AGMO: variants seen among roughly 807,000 people sequenced by gnomAD.
AGMO encodes alkylglycerol monooxygenase, also known as glyceryl-ether monooxygenase.
A neutral mutation model predicts 60.2 loss-of-function variants in AGMO; 75 were observed. That is an observed-to-expected ratio of 1.25 (90% CI 1.03 to 1.51). AGMO has a LOEUF of 1.51. Ranked by LOEUF, AGMO falls within the 40% of genes most tolerant of loss-of-function variation. The pLI is 0.00. For missense variants in AGMO, 763 were observed against 525.5 expected (o/e 1.45, Z -4.42); for synonymous variants, 261 against 177.1 (o/e 1.47, Z -3.76).
chr7:15,374,486 CA>C (rs1783365505), intron 10 of AGMO, among the ~76,000 whole-genome samples: 1 of 151,668 alleles, frequency 6.6e-6, no homozygotes, highest in African/African-American at 2.4e-5. Flanking sequence ...TTATAAATAC[CA>C]AAATATTAGA....
At chr7:15,476,329 A>C (rs1467539947) in intron 3 of AGMO, among the ~76,000 whole-genome samples, 3 of 152,112 alleles carry the variant, frequency 2.0e-5, no homozygotes, top group Non-Finnish European at 4.4e-5. Flanking sequence ...ATCATTCTTG[A>C]CATTTTACTG....
chr7:15,332,362 A>T (rs1356272200), intron 12 of AGMO, among the ~76,000 whole-genome samples: 1 of 152,170 alleles, frequency 6.6e-6, no homozygotes, highest in Non-Finnish European at 1.5e-5. Flanking sequence ...CTAAACTGTT[A>T]AACGTAACAT....
chr7:15,118,467 T>C, the AGMO span, among the ~76,000 whole-genome samples: 2 of 152,084 alleles, frequency 1.3e-5, no homozygotes, highest in Non-Finnish European at 2.9e-5. Context: ...AGAAAACTGA[T>C]CATGTTTTCT....
rs564493311 is a variant in AGMO at position 15,493,518 on chromosome 7, C to T, written c.409+51254G>A. Among the ~76,000 whole-genome samples the T allele has an allele frequency of 6.0e-5, 9 of 151,204 alleles. No homozygotes were observed. In the East Asian group the frequency reaches 9.7e-4, roughly 16 times the overall value. The stretch of plus-strand genomic sequence containing the variant: ...CCTCCCGCGTAGCTGGGTCTGCAGG[C>T]GCCCGCCACCACACCCGGCTAATTT... On this transcript the variant is annotated intron_variant, in intron 3 of 12. Transcript: ENST00000342526.
intron 12 of AGMO, among the ~76,000 whole-genome samples, chr7:15,253,330 T>C (rs958261252): frequency 4.6e-5 from 7 of 152,266 alleles, no homozygotes; most frequent in African/African-American, 1.7e-4. Context: ...ACCAAAGTTC[T>C]TTCTTTTATT....
intron 11 of AGMO, 98 bp from the exon 12 acceptor site, chr7:15,365,717 C>T (rs1462031231): frequency 3.8e-6 from 3 of 793,516 alleles, no homozygotes; most frequent in Non-Finnish European, 6.0e-6. Context: ...CAAGAAATAC[C>T]TAGTATTTTA....
At chr7:15,541,862 T>C (rs1490765334) in intron 3 of AGMO, among the ~76,000 whole-genome samples, 1 of 152,196 alleles carries the variant, frequency 6.6e-6, no homozygotes, top group African/African-American at 2.4e-5. Context: ...GCATTTAACA[T>C]ACTAACAAAT....
At chr7:15,454,646 T>C (rs997739038) in intron 3 of AGMO, among the ~76,000 whole-genome samples, 8 of 152,136 alleles carry the variant, frequency 5.3e-5, no homozygotes, top group African/African-American at 1.9e-4. Flanking sequence ...ATAAAAATTT[T>C]CTATTATCCT....
intron 10 of AGMO, among the ~76,000 whole-genome samples, chr7:15,379,945 T>C (rs10261055): frequency 0.4 from 60,116 of 151,694 alleles, 12,651 homozygotes; most frequent in African/African-American, 0.54. Context: ...AAAAAGACTT[T>C]CTTTAATTCG....
At position 15,265,445 on chromosome 7, in the gene AGMO, T is replaced by C. The variant is rs186209075; in HGVS notation, c.1264-64086A>G. On this transcript the variant is annotated intron_variant, in intron 12 of 12. Coordinates refer to ENST00000342526, the MANE Select transcript of AGMO (RefSeq NM_001004320.2). ...GTACCATTTAATCTAGAATACACTATTAAAAAAGAAAAAAGAACAGAATAG... is the reference window on the plus strand; with the variant it reads ...GTACCATTTAATCTAGAATACACTACTAAAAAAGAAAAAAGAACAGAATAG... Among the ~76,000 whole-genome samples, 416 of 151,782 alleles carry C rather than the reference T, an allele frequency of 2.7e-3. 2 individuals carry two copies. The highest frequency in any genetic ancestry group is 9.6e-3 in the African/African-American group (398 of 41,402).
At chr7:15,353,916 T>C (rs1782352081) in intron 12 of AGMO, among the ~76,000 whole-genome samples, 2 of 152,134 alleles carry the variant, frequency 1.3e-5, no homozygotes, top group African/African-American at 4.8e-5. Context: ...TATCATGTAT[T>C]ATTCTCTTAG....
At chr7:15,127,539 C>T in the AGMO span, among the ~76,000 whole-genome samples, 1 of 152,004 alleles carries the variant, frequency 6.6e-6, no homozygotes, top group African/African-American at 2.4e-5. Context: ...GAAATACGTT[C>T]CAAATTAATG....
intron 12 of AGMO, among the ~76,000 whole-genome samples, chr7:15,336,104 CTATT>C (rs1208362302): frequency 1.3e-5 from 2 of 152,102 alleles, no homozygotes; most frequent in Non-Finnish European, 2.9e-5. Flanking sequence ...ACTATTCCTT[CTATT>C]TATTTAAATT....
chr7:15,269,779 A>T (rs1304085917), intron 12 of AGMO, among the ~76,000 whole-genome samples: 1 of 151,948 alleles, frequency 6.6e-6, no homozygotes, highest in Admixed American at 6.6e-5. Context: ...CTCCCATAAG[A>T]GTCCTCAGTA....
intron 10 of AGMO, among the ~76,000 whole-genome samples, chr7:15,378,213 T>A (rs1054072288): frequency 9.2e-5 from 14 of 152,038 alleles, no homozygotes; most frequent in African/African-American, 3.4e-4. Context: ...TTTAAAAAAT[T>A]ATATTTGGAC....
chr7:15,271,605 T>C (rs990938613), intron 12 of AGMO, among the ~76,000 whole-genome samples: 2 of 152,192 alleles, frequency 1.3e-5, no homozygotes, highest in Non-Finnish European at 2.9e-5. Context: ...AACTATTTCA[T>C]GAAGGAACAG....
At chr7:15,262,836 T>C (rs1383730430) in intron 12 of AGMO, among the ~76,000 whole-genome samples, 1 of 151,952 alleles carries the variant, frequency 6.6e-6, no homozygotes, top group East Asian at 1.9e-4. Flanking sequence ...TGGAAAAGGT[T>C]ACCCTACTCA....
chr7:15,515,608 A>T (rs1004326897), intron 3 of AGMO, among the ~76,000 whole-genome samples: 1 of 152,246 alleles, frequency 6.6e-6, no homozygotes, highest in Non-Finnish European at 1.5e-5. Context: ...AATGAAGGCA[A>T]TATCTGTCTC....
chr7:15,365,771 G>T (rs555438537), intron 11 of AGMO, 152 bp from the exon 12 acceptor site: 90 of 609,436 alleles, frequency 1.5e-4, no homozygotes, highest in African/African-American at 1.4e-3. Flanking sequence ...TGAAAACAGT[G>T]ATTAAGAAAG....
Sources: allele counts gnomAD v4.1 joint callset (sites outside exome capture counted in the v4.1 genomes callset), GRCh38; gene constraint gnomAD v4.1.1; transcripts MANE v1.5; gene names NCBI Gene and HGNC (gene_info 2026-07-23, HGNC 2026-07-21).